The following SLC52A3 variants were observed in gnomAD, a reference collection of about 807,000 sequenced individuals.
SLC52A3 encodes solute carrier family 52 member 3.
A neutral mutation model predicts 29.5 loss-of-function variants in SLC52A3; 20 were observed. The observed-to-expected ratio is 0.68, with a 90% CI of 0.48 to 0.99. The LOEUF is 0.99. Ranked by LOEUF, SLC52A3 falls within the 50% of genes least tolerant of loss-of-function variation. SLC52A3 has a pLI of 0.00. For missense variants in SLC52A3, 548 were observed against 612.9 expected, an observed-to-expected ratio of 0.89 and a Z score of 1.12; for synonymous variants, 301 against 271.0, an observed-to-expected ratio of 1.11 and a Z score of -1.09.
chr20:765,713 T>C lies in SLC52A3; in HGVS notation c.62A>G (p.Asn21Ser), dbSNP rs199588390. The change falls in exon 2 of 5, where the codon AAT (asparagine) becomes AGT (serine). Residue 21 changes from asparagine to serine, a missense_variant. Asn to Ser is a conservative substitution (Grantham distance 46). This residue lies in a region of SLC52A3 where 375 missense variants were observed against 471.1 expected (regional missense o/e 0.80). Coordinates refer to ENST00000645534, the MANE Select transcript of SLC52A3 (RefSeq NM_033409.4). The surrounding 1 kb of genome is among the most constrained non-coding windows in gnomAD (Gnocchi z 6.6). ...VFGMGSWVTI[N>S]GLWVELPLLV... is the part of the protein sequence containing the mutation. Reference sequence around the variant, plus strand: ...CAGGGGCAGCTCTACCCAGAGCCCATTGATGGTCACCCAGGAGCCCATTCC... The same window carrying C: ...CAGGGGCAGCTCTACCCAGAGCCCACTGATGGTCACCCAGGAGCCCATTCC... 1.3e-4 allele frequency: 203 copies of C among 1,613,538 alleles called. No homozygotes were observed. The highest frequency in any genetic ancestry group is 1.4e-4 in the Non-Finnish European group (170 of 1,179,940).
intron 4 of SLC52A3, 186 bp from the exon 5 acceptor site, chr20:761,424 C>A (rs1986474429): frequency 1.3e-6 from 1 of 777,160 alleles, no homozygotes. Flanking sequence ...GAAGGAGAAT[C>A]CAGTGGCTTT....
upstream of SLC52A3, among the ~76,000 whole-genome samples, chr20:779,560 A>T (rs1277568712): frequency 1.3e-5 from 2 of 152,208 alleles, no homozygotes; most frequent in Non-Finnish European, 2.9e-5. Context: ...CAGAGGTTGC[A>T]GTAAGCTGAG....
At chr20:761,939 G>C in intron 3 of SLC52A3, 115 bp from the exon 4 acceptor site, 2 of 1,511,032 alleles carry the variant, frequency 1.3e-6, no homozygotes, top group Non-Finnish European at 1.8e-6. Flanking sequence ...GACCCATGTG[G>C]AAAATTCCAG....
chr20:771,734 T>C (rs1013393174), upstream of SLC52A3, among the ~76,000 whole-genome samples: 4 of 148,762 alleles, frequency 2.7e-5, no homozygotes, highest in Non-Finnish European at 4.4e-5. Context: ...ACCCTCCATA[T>C]AGCATTTGGT....
rs748809346 is a variant in SLC52A3 at position 765,077 on chromosome 20, T to C, written c.567+131A>G. On this transcript the variant is annotated intron_variant, in intron 2 of 4. Transcript: ENST00000645534. This position sits in a 1 kb window ranked among gnomAD's most constrained non-coding sequence, Gnocchi z 6.6. ...GTAATTAAAATGAGTTTCCTGCTGT[T>C]GATCTGCCTTATGTCAGTTTAACTC... 2.0e-6 allele frequency: 2 copies of C among 1,023,524 alleles called. No individual in the cohort carries two copies. Among genetic ancestry groups the C allele is most frequent in the Non-Finnish European group, 3.0e-6 (2 of 672,336 alleles). 63.4% of individuals were successfully genotyped at this position (1,023,524 alleles called of 1,614,324 possible).
Position 763,861 on chromosome 20 carries a change from G to A in SLC52A3, c.710C>T (p.Ala237Val), listed in dbSNP as rs773916730. 8 of 1,614,150 alleles carry A rather than the reference G, an allele frequency of 5.0e-6. No homozygotes were observed. Among genetic ancestry groups the A allele is most frequent in the South Asian group, 4.4e-5 (4 of 91,084 alleles). ...GGGTTGACGCTGGAGGACAAAGAACGCCACGAGGCAGCAGGCCATCATGAT... is the reference window on the plus strand; with the variant it reads ...GGGTTGACGCTGGAGGACAAAGAACACCACGAGGCAGCAGGCCATCATGAT... ...LSIMMACCLV[A>V]FFVLQRQPRC... The change falls in exon 3 of 5, where the codon GCG becomes GTG. Residue 237 changes from alanine to valine, a missense_variant. Transcript: ENST00000645534.
At chr20:779,862 C>T (rs1987162462), upstream of SLC52A3, among the ~76,000 whole-genome samples, 1 of 152,186 alleles carries the variant, frequency 6.6e-6, no homozygotes, top group Admixed American at 6.5e-5. Context: ...AACAGTGTAA[C>T]ATGTATTGTT....
intron 1 of SLC52A3, among the ~76,000 whole-genome samples, chr20:766,885 G>T (rs1032979699): frequency 1.3e-5 from 2 of 152,104 alleles, no homozygotes; most frequent in Middle Eastern, 3.2e-3. Context: ...AGAGAAAAAG[G>T]TACAAATAAG....
chr20:772,301 G>T (rs1306445740), upstream of SLC52A3, among the ~76,000 whole-genome samples: 3 of 152,226 alleles, frequency 2.0e-5, no homozygotes, highest in Non-Finnish European at 4.4e-5. Context: ...GGCTCCGGGG[G>T]TCTGTTTCCT....
rs773255869 is a variant in SLC52A3, at chr20:765,267, T to C, written c.508A>G (p.Thr170Ala). 3.1e-6 allele frequency: 5 copies of C among 1,613,970 alleles called. No homozygotes were observed. The highest frequency in any genetic ancestry group is 4.2e-6 in the Non-Finnish European group (5 of 1,179,998). The change falls in exon 2 of 5, where the codon ACT (threonine) becomes GCT (alanine). Residue 170 changes from threonine to alanine, a missense_variant. This residue lies in a region of SLC52A3 where 375 missense variants were observed against 471.1 expected (regional missense o/e 0.80). Coordinates refer to ENST00000645534, the MANE Select transcript of SLC52A3 (RefSeq NM_033409.4). This position sits in a 1 kb window ranked among gnomAD's most constrained non-coding sequence, Gnocchi z 6.6. ...GSGLTTCVNV[T>A]EISDSVPSPV... The stretch of plus-strand genomic sequence containing the variant: ...CTTGGTACGCTGTCTGATATCTCAG[T>C]GACATTGACGCAGGTAGTGAGACCG...
chr20:765,835 A>G lies in SLC52A3; in HGVS notation c.-51-10T>C. 1 of 1,515,392 alleles carries G rather than the reference A, an allele frequency of 6.6e-7. No homozygotes were observed. The highest frequency in any genetic ancestry group is 9.1e-7 in the Non-Finnish European group (1 of 1,104,666). 93.9% of individuals were successfully genotyped at this position (1,515,392 alleles called of 1,614,324 possible). Reference sequence around the variant, plus strand: ...TCAGCCTGCAGCGGGGCTGGCAGAGAAGGACACCAGGTGAGTAATTCCAGC... The same window carrying G: ...TCAGCCTGCAGCGGGGCTGGCAGAGGAGGACACCAGGTGAGTAATTCCAGC... On this transcript the variant is annotated splice_polypyrimidine_tract_variant and intron_variant, in intron 1 of 4. Transcript: ENST00000645534. The surrounding 1 kb of genome is among the most constrained non-coding windows in gnomAD (Gnocchi z 6.6).
upstream of SLC52A3, among the ~76,000 whole-genome samples, chr20:777,272 C>CAACA (rs1555785016): frequency 6.8e-6 from 1 of 147,928 alleles, no homozygotes; most frequent in Non-Finnish European, 1.5e-5. Context: ...AAACAAAAAA[C>CAACA]AAAAAAAAAA....
chr20:765,998 G>T lies in SLC52A3; in HGVS notation c.-51-173C>A. On this transcript the variant is annotated intron_variant, in intron 1 of 4. Transcript: ENST00000645534. This position sits in a 1 kb window ranked among gnomAD's most constrained non-coding sequence, Gnocchi z 6.6. The stretch of plus-strand genomic sequence containing the variant: ...TTTAGTCCAGGCTGGAGTGCAATGG[G>T]ATGATCTCGGCTCAGTGACCCTCTG... 1.7e-6 allele frequency: 1 copy of T among 572,110 alleles called. No individual in the cohort carries two copies. 35.4% of individuals were successfully genotyped at this position (572,110 alleles called of 1,614,324 possible). A position where few individuals can be genotyped will look rare whatever the true frequency, so the allele number is the denominator to read the frequency against.
intron 1 of SLC52A3, 70 bp downstream of exon 1, chr20:768,227 A>G (rs1385510707): frequency 6.6e-6 from 1 of 152,222 alleles, no homozygotes; most frequent in Non-Finnish European, 1.5e-5. Flanking sequence ...AATTCACATG[A>G]GAATTAATAC....
upstream of SLC52A3, among the ~76,000 whole-genome samples, chr20:772,042 T>G (rs1986856124): frequency 6.6e-6 from 1 of 152,240 alleles, no homozygotes; most frequent in Non-Finnish European, 1.5e-5. Context: ...CAGATGATGG[T>G]GACCTTTGCC....
chr20:779,023 G>T (rs1263997251), upstream of SLC52A3, among the ~76,000 whole-genome samples: 1 of 152,136 alleles, frequency 6.6e-6, no homozygotes, highest in Non-Finnish European at 1.5e-5. Flanking sequence ...TTTAATAAAG[G>T]CAGCTATATC....
upstream of SLC52A3, among the ~76,000 whole-genome samples, chr20:779,868 T>C (rs1021204258): frequency 6.6e-6 from 1 of 152,224 alleles, no homozygotes; most frequent in Non-Finnish European, 1.5e-5. Flanking sequence ...GTAACATGTA[T>C]TGTTCCATAG....
At position 765,866 on chromosome 20, in the gene SLC52A3, C is replaced by T; in HGVS notation, c.-51-41G>A. The T allele has an allele frequency of 7.8e-7, 1 of 1,274,624 alleles. No homozygotes were observed. The highest frequency in any genetic ancestry group is 2.0e-5 in the Admixed American group (1 of 50,570). 79.0% of individuals were successfully genotyped at this position (1,274,624 alleles called of 1,614,324 possible). A position where few individuals can be genotyped will look rare whatever the true frequency, so the allele number is the denominator to read the frequency against. ...ACCAGGTGAGTAATTCCAGCTTCAC[C>T]ACCTAGCAAGATGCTGGGACCTGGG... On this transcript the variant is annotated intron_variant, in intron 1 of 4. Coordinates refer to ENST00000645534, the MANE Select transcript of SLC52A3 (RefSeq NM_033409.4). The surrounding 1 kb of genome is among the most constrained non-coding windows in gnomAD (Gnocchi z 6.6).
intron 3 of SLC52A3, among the ~76,000 whole-genome samples, chr20:762,716 G>A (rs1331544623): frequency 5.3e-5 from 8 of 152,184 alleles, no homozygotes; most frequent in Non-Finnish European, 1.0e-4. Context: ...TAGGTCCCAA[G>A]GTAGAAAATC....
Sources: allele counts gnomAD v4.1 joint callset (sites outside exome capture counted in the v4.1 genomes callset), GRCh38; gene constraint gnomAD v4.1.1; regional missense constraint gnomAD v4.1.1; non-coding constraint Gnocchi (gnomAD v3.1); transcripts MANE v1.5; gene names NCBI Gene and HGNC (gene_info 2026-07-23, HGNC 2026-07-21).